The following FAM91A1 variants were observed in gnomAD, a reference collection of about 807,000 sequenced individuals.
FAM91A1 encodes protein FAM91A1.
Under a neutral mutation model 113.5 loss-of-function variants are expected in FAM91A1, and 41 were observed. The observed-to-expected ratio is 0.36, with a 90% CI of 0.28 to 0.47. FAM91A1 has a LOEUF of 0.47. Ranked by LOEUF, FAM91A1 falls within the 20% of genes least tolerant of loss-of-function variation. The pLI, the probability that FAM91A1 is intolerant of heterozygous loss-of-function variation, is 1.00. For synonymous variants in FAM91A1, 307 were observed against 347.9 expected, an observed-to-expected ratio of 0.88 and a Z score of 1.31; for missense variants, 696 against 1,001.2, an observed-to-expected ratio of 0.70 and a Z score of 4.11.
rs765214014 is a variant in FAM91A1 at position 123,768,769 on chromosome 8, A to G, written c.67A>G (p.Arg23Gly). The change falls in exon 1 of 24, where the codon AGA becomes GGA. Residue 23 changes from arginine to glycine, a missense_variant. Physicochemically the swap from Arg to Gly is moderately radical, Grantham distance 125. Transcript: ENST00000334705. ...CTGGAACAAGTTGCCGGCCAACGTGAGACAGGTACGGCCGGAACCTGGGAC... is the reference window on the plus strand; with the variant it reads ...CTGGAACAAGTTGCCGGCCAACGTGGGACAGGTACGGCCGGAACCTGGGAC... The part of the protein sequence containing the change: ...YPWNKLPANV[R>G]QSLGNSQREY... 3 of 1,611,496 alleles carry G rather than the reference A, an allele frequency of 1.9e-6. No homozygotes were observed. The highest frequency in any genetic ancestry group is 2.5e-6 in the Non-Finnish European group (3 of 1,178,856).
Position 123,786,625 on chromosome 8 carries a change from A to G in FAM91A1, c.1078+15A>G, listed in dbSNP as rs776996412. 7.0e-6 allele frequency: 11 copies of G among 1,579,684 alleles called. No individual in the cohort carries two copies. Among genetic ancestry groups the G allele is most frequent in the Non-Finnish European group, 9.6e-6 (11 of 1,148,524 alleles). On this transcript the variant is annotated intron_variant, in intron 12 of 23. Transcript: ENST00000334705. Reference sequence around the variant, plus strand: ...AGAAGATCCAGGTTAGCAGTAACTCAGTTTAACATAGAGTCTGTCTGTAGG... The same window carrying G: ...AGAAGATCCAGGTTAGCAGTAACTCGGTTTAACATAGAGTCTGTCTGTAGG...
intron 8 of FAM91A1, among the ~76,000 whole-genome samples, chr8:123,784,013 C>T (rs1044996415): frequency 8.5e-5 from 13 of 152,330 alleles, no homozygotes; most frequent in Non-Finnish European, 1.6e-4. Flanking sequence ...GGAGACAGAG[C>T]CAATACTTTG....
rs1815094570 is a variant in FAM91A1 at position 123,780,559 on chromosome 8, A to G, written c.703+17A>G. ...GTATAGCAGGTAAGTCCGTGCTAAC[A>G]TTTTTCACTGTTTTTTGAATGGATA... On this transcript the variant is annotated intron_variant, in intron 8 of 23. Coordinates refer to ENST00000334705, the MANE Select transcript of FAM91A1 (RefSeq NM_144963.4). 1.9e-6 allele frequency: 3 copies of G among 1,603,056 alleles called. No homozygotes were observed. Among genetic ancestry groups the G allele is most frequent in the Non-Finnish European group, 1.7e-6 (2 of 1,173,220 alleles).
chr8:123,777,230 T>G, intron 3 of FAM91A1, 35 bp from the exon 4 acceptor site: 1 of 1,367,920 alleles, frequency 7.3e-7, no homozygotes, highest in Non-Finnish European at 1.0e-6. Flanking sequence ...AAGGACATTT[T>G]AGATTTCAAA....
chr8:123,809,160 AG>A (rs1815888182), intron 22 of FAM91A1, 144 bp downstream of exon 22: 6 of 1,244,838 alleles, frequency 4.8e-6, no homozygotes, highest in Non-Finnish European at 6.3e-6. Flanking sequence ...CGCTAGTTTA[AG>A]GGTTTTGCTG....
chr8:123,779,990 C>T lies in FAM91A1; in HGVS notation c.555C>T (p.Cys185=). 6.2e-7 allele frequency: 1 copy of T among 1,612,636 alleles called. No homozygotes were observed. The highest frequency in any genetic ancestry group is 8.5e-7 in the Non-Finnish European group (1 of 1,179,264). Residue 185 remains cysteine (C), a synonymous_variant, in exon 7 of 24, where the codon TGC becomes TGT. Transcript: ENST00000334705. The part of the protein sequence containing the change: ...GYITEDDIKI[C]TLPEKCAVDK... ...AAATATTTTGCTTTTCTTAGATATG[C>T]ACTTTGCCTGAGAAATGCGCTGTTG... is the stretch of plus-strand genomic sequence containing the variant.
At chr8:123,785,450 C>A (rs1032247061) in intron 10 of FAM91A1, among the ~76,000 whole-genome samples, 179 bp from the exon 11 acceptor site, 3 of 152,206 alleles carry the variant, frequency 2.0e-5, no homozygotes, top group Admixed American at 6.5e-5. Flanking sequence ...TGGAAACATT[C>A]CCTCCTATAC....
intron 1 of FAM91A1, 149 bp downstream of exon 1, chr8:123,768,923 C>T (rs570463861): frequency 3.7e-6 from 3 of 807,744 alleles, no homozygotes; most frequent in African/African-American, 3.5e-5. Flanking sequence ...GACCTTCAGC[C>T]CAGGGCGAGG....
intron 8 of FAM91A1, 27 bp downstream of exon 8, chr8:123,780,569 GT>G: frequency 6.3e-7 from 1 of 1,590,778 alleles, no homozygotes; most frequent in Non-Finnish European, 8.6e-7. Flanking sequence ...ATTTTTCACT[GT>G]TTTTTGAATG....
chr8:123,785,166 G>A, intron 10 of FAM91A1, 47 bp downstream of exon 10: 2 of 1,400,736 alleles, frequency 1.4e-6, no homozygotes, highest in Non-Finnish European at 1.9e-6. Flanking sequence ...TAACTGAGTG[G>A]ATTTTACTAG....
chr8:123,775,269 C>G lies in FAM91A1; in HGVS notation c.280C>G (p.Pro94Ala), dbSNP rs990677816. The change falls in exon 3 of 24, where the codon CCA (proline) becomes GCA (alanine). Residue 94 changes from proline (P) to alanine (A), a missense_variant. By Grantham distance (27) the Pro-to-Ala change is conservative (BLOSUM62 -1). Coordinates refer to ENST00000334705, the MANE Select transcript of FAM91A1 (RefSeq NM_144963.4). Reference protein sequence around the residue: ...DIMVKGLRITPFSYYTGIMED... With the variant: ...DIMVKGLRITAFSYYTGIMED... ...TATGGTGAAAGGCTTGAGGATAACA[C>G]CATTTTCATATTATACTGGGATTAT... 6.2e-7 allele frequency: 1 copy of G among 1,613,752 alleles called. No individual in the cohort carries two copies. The highest frequency in any genetic ancestry group is 1.3e-5 in the African/African-American group (1 of 74,896).
At chr8:123,773,417 A>G (rs1814904979) in intron 1 of FAM91A1, among the ~76,000 whole-genome samples, 1 of 152,242 alleles carries the variant, frequency 6.6e-6, no homozygotes, top group Admixed American at 6.5e-5. Context: ...AGTGAATATA[A>G]TGTTAACTAT....
chr8:123,768,658 TG>T lies in FAM91A1; in HGVS notation c.-42del. On this transcript the variant is annotated 5_prime_UTR_variant, in exon 1 of 24. Coordinates refer to ENST00000334705, the MANE Select transcript of FAM91A1 (RefSeq NM_144963.4). ...GGGCGGGCAGGCGGGAGGCGTAGTG[TG>T]GGTCGCGGTGGCGGCCCCGGCCGCC... is the stretch of plus-strand genomic sequence containing the variant. 6.6e-7 allele frequency: 1 copy of T among 1,524,886 alleles called. No homozygotes were observed. The highest frequency in any genetic ancestry group is 8.9e-7 in the Non-Finnish European group (1 of 1,125,136). 94.5% of individuals were successfully genotyped at this position (1,524,886 alleles called of 1,614,324 possible).
intron 5 of FAM91A1, among the ~76,000 whole-genome samples, chr8:123,778,371 A>C (rs1815038248): frequency 6.6e-6 from 1 of 152,116 alleles, no homozygotes; most frequent in Admixed American, 6.6e-5. Context: ...TGGGTGAAAA[A>C]AGTGTTTGCA....
chr8:123,793,952 C>A (rs940527995), intron 15 of FAM91A1, among the ~76,000 whole-genome samples: 4 of 152,166 alleles, frequency 2.6e-5, no homozygotes, highest in Non-Finnish European at 5.9e-5. Flanking sequence ...TGCTTAAAAT[C>A]TGTTGTATGT....
chr8:123,780,526 T>A lies in FAM91A1; in HGVS notation c.687T>A (p.Asp229Glu). Residue 229 changes from aspartate (D) to glutamate (E), a missense_variant, in exon 8 of 24, where the codon GAT (aspartate) becomes GAA (glutamate). Transcript: ENST00000334705. ...GFIYLDVPIS[D>E]DSCIAVPPLE... is the part of the protein sequence containing the mutation. ...TTTATCTGGATGTACCAATATCTGA[T>A]GACAGTTGTATAGCAGGTAAGTCCG... 1 of 1,611,542 alleles carries A rather than the reference T, an allele frequency of 6.2e-7. No homozygotes were observed. The highest frequency in any genetic ancestry group is 8.5e-7 in the Non-Finnish European group (1 of 1,179,154).
In FAM91A1 at chr8:123,808,334, A is replaced by G. The variant is rs375033578; in HGVS notation, c.2095A>G (p.Ile699Val). Residue 699 changes from isoleucine (I) to valine (V), a missense_variant, in exon 21 of 24, where the codon ATT becomes GTT. Physicochemically the swap from Ile to Val is conservative, Grantham distance 29 (BLOSUM62 3). Coordinates refer to ENST00000334705, the MANE Select transcript of FAM91A1 (RefSeq NM_144963.4). Reference sequence around the variant, plus strand: ...GAGTACAGAGTCATTTGAAATGGTCATTGAGGAAGCAACTATAGATTCAGC... The same window carrying G: ...GAGTACAGAGTCATTTGAAATGGTCGTTGAGGAAGCAACTATAGATTCAGC... ...NGSTESFEMV[I>V]EEATIDSATK... The G allele has an allele frequency of 1.9e-6, 3 of 1,613,504 alleles. No homozygotes were observed. The highest frequency in any genetic ancestry group is 2.5e-6 in the Non-Finnish European group (3 of 1,179,708).
intron 22 of FAM91A1, among the ~76,000 whole-genome samples, chr8:123,809,437 G>A (rs777346902): frequency 6.6e-6 from 1 of 152,150 alleles, no homozygotes. Flanking sequence ...TGATGACTTT[G>A]CAAAATTTTC....
At position 123,779,009 on chromosome 8, in the gene FAM91A1, G is replaced by A. The variant is rs981419545; in HGVS notation, c.549+237G>A. On this transcript the variant is annotated intron_variant, in intron 6 of 23. Coordinates refer to ENST00000334705, the MANE Select transcript of FAM91A1 (RefSeq NM_144963.4). ...TACAGTTATCTGGGGATGTTAATTA[G>A]ATAGAAGCTTCGTGTAAAGTAACAT... Among the ~76,000 whole-genome samples the A allele has an allele frequency of 2.0e-5, 3 of 152,140 alleles. No individual in the cohort carries two copies. The South Asian group carries it at 6.2e-4, about 32-fold the overall frequency.
Sources: allele counts gnomAD v4.1 joint callset (sites outside exome capture counted in the v4.1 genomes callset), GRCh38; gene constraint gnomAD v4.1.1; transcripts MANE v1.5; gene names NCBI Gene and HGNC (gene_info 2026-07-23, HGNC 2026-07-21).